Variants in FBXL8 observed in about 807,000 individuals in gnomAD.
The protein encoded by FBXL8 is F-box and leucine rich repeat protein 8.
FBXL8 carries 13 observed loss-of-function variants against 8.2 expected under a neutral mutation model. That is an observed-to-expected ratio of 1.58 (90% CI 1.03 to 2.51). FBXL8 has a LOEUF of 2.51. Ranked by LOEUF, FBXL8 falls within the 30% of genes most tolerant of loss-of-function variation. FBXL8 has a pLI of 0.00. For synonymous variants in FBXL8, 271 were observed against 260.5 expected (o/e 1.04, Z -0.39); for missense variants, 565 against 540.4 (o/e 1.05, Z -0.45).
rs1383910208 is a variant in FBXL8 at position 67,163,485 on chromosome 16, G to A, written c.790G>A (p.Ala264Thr). ...VELELEPALPAESVTRVLQPA... is the reference protein window; with the variant it reads ...VELELEPALPTESVTRVLQPA... Reference sequence around the variant, plus strand: ...GCTGGAGCTGGAGCCCGCGCTGCCCGCTGAGAGCGTGACGCGCGTCCTGCA... The same window carrying A: ...GCTGGAGCTGGAGCCCGCGCTGCCCACTGAGAGCGTGACGCGCGTCCTGCA... The change falls in exon 3 of 3, where the codon GCT becomes ACT. Residue 264 changes from alanine to threonine, a missense_variant. Physicochemically the swap from Ala to Thr is moderately conservative, Grantham distance 58 (BLOSUM62 0). Transcript: ENST00000258200. The A allele has an allele frequency of 2.6e-6, 4 of 1,537,224 alleles. No individual in the cohort carries two copies. Among genetic ancestry groups the A allele is most frequent in the African/African-American group, 1.4e-5 (1 of 72,760 alleles).
rs1427801641 is a variant in FBXL8, at chr16:67,163,977, C to G, written c.*157C>G. On this transcript the variant is annotated 3_prime_UTR_variant, in exon 3 of 3. Coordinates refer to ENST00000258200, the MANE Select transcript of FBXL8 (RefSeq NM_018378.3). ...GAACTGTGATGGCATCGGGACCAGT[C>G]CTGGGCGCCCTGAGACCACTCGCTG... is the stretch of plus-strand genomic sequence containing the variant. 1 of 1,138,102 alleles carries G rather than the reference C, an allele frequency of 8.8e-7. No individual in the cohort carries two copies. The highest frequency in any genetic ancestry group is 1.5e-5 in the African/African-American group (1 of 65,132). 70.5% of individuals were successfully genotyped at this position (1,138,102 alleles called of 1,614,324 possible). A position where few individuals can be genotyped will look rare whatever the true frequency, so the allele number is the denominator to read the frequency against.
chr16:67,163,231 G>T lies in FBXL8; in HGVS notation c.536G>T (p.Gly179Val). The T allele has an allele frequency of 6.4e-7, 1 of 1,566,780 alleles. No individual in the cohort carries two copies. Among genetic ancestry groups the T allele is most frequent in the Non-Finnish European group, 8.6e-7 (1 of 1,156,818 alleles). Residue 179 changes from glycine (G) to valine (V), a missense_variant, in exon 3 of 3, where the codon GGT becomes GTT. Gly to Val is a moderately radical substitution (Grantham distance 109). Transcript: ENST00000258200. ...LDNSTLVGSV[G>V]PGSVLELLEA... ...AACAGTACCCTAGTGGGCAGCGTGG[G>T]TCCCGGCTCAGTGCTCGAGCTACTG...
rs1312268504 is a variant in FBXL8, at chr16:67,161,904, C to T, written c.119C>T (p.Thr40Ile). 16 of 1,610,848 alleles carry T rather than the reference C, an allele frequency of 9.9e-6. No individual in the cohort carries two copies. Among genetic ancestry groups the T allele is most frequent in the Non-Finnish European group, 1.1e-5 (13 of 1,179,068 alleles). Residue 40 changes from threonine (T) to isoleucine (I), a missense_variant, in exon 2 of 3, where the codon ACC (threonine) becomes ATC (isoleucine). By Grantham distance (89) the Thr-to-Ile change is moderately conservative (BLOSUM62 -1). Transcript: ENST00000258200. The stretch of plus-strand genomic sequence containing the variant: ...TGCAGGGCCTGGGCCGCCGCTGCTA[C>T]CTGCAGCGCCGTGTGGCACGACACA... Reference protein sequence around the residue: ...RVCRAWAAAATCSAVWHDTKI... With the variant: ...RVCRAWAAAAICSAVWHDTKI...
chr16:67,162,698 T>G, intron 2 of FBXL8, 150 bp from the exon 3 acceptor site: 1 of 1,086,204 alleles, frequency 9.2e-7, no homozygotes, highest in Non-Finnish European at 1.4e-6. Context: ...GTTCCCTCCT[T>G]TGGGGCAACA....
At position 67,163,885 on chromosome 16, in the gene FBXL8, C is replaced by T. The variant is rs1218693559; in HGVS notation, c.*65C>T. 1.9e-5 allele frequency: 29 copies of T among 1,510,590 alleles called. 1 individual carries two copies. The highest frequency in any genetic ancestry group is 2.5e-5 in the Non-Finnish European group (28 of 1,136,804). 93.6% of individuals were successfully genotyped at this position (1,510,590 alleles called of 1,614,324 possible). A position where few individuals can be genotyped will look rare whatever the true frequency, so the allele number is the denominator to read the frequency against. The stretch of plus-strand genomic sequence containing the variant: ...CTCTGAGAGGGAACGGGGGGGGTGT[C>T]CAGGCGCGCCCCGAGTGCTAGTGCC... On this transcript the variant is annotated 3_prime_UTR_variant, in exon 3 of 3. Coordinates refer to ENST00000258200, the MANE Select transcript of FBXL8 (RefSeq NM_018378.3).
chr16:67,163,600 C>T lies in FBXL8; in HGVS notation c.905C>T (p.Thr302Ile), dbSNP rs776855884. Residue 302 changes from threonine to isoleucine, a missense_variant, in exon 3 of 3, where the codon ACC becomes ATC. By Grantham distance (89) the Thr-to-Ile change is moderately conservative (BLOSUM62 -1). Coordinates refer to ENST00000258200, the MANE Select transcript of FBXL8 (RefSeq NM_018378.3). Reference sequence around the variant, plus strand: ...TTCGCAGCACACCACTACGCCGCAACCCTGTGCGCGCTCGAGGTGCGCGCA... The same window carrying T: ...TTCGCAGCACACCACTACGCCGCAATCCTGTGCGCGCTCGAGGTGCGCGCA... ...VRFAAHHYAA[T>I]LCALEVRAAA... 19 of 1,574,876 alleles carry T rather than the reference C, an allele frequency of 1.2e-5. No homozygotes were observed. In the African/African-American group the frequency reaches 1.8e-4, roughly 15 times the overall value.
Position 67,163,264 on chromosome 16 carries a change from G to A in FBXL8, c.569G>A (p.Cys190Tyr). 1 of 1,567,320 alleles carries A rather than the reference G, an allele frequency of 6.4e-7. No individual in the cohort carries two copies. Among genetic ancestry groups the A allele is most frequent in the Non-Finnish European group, 8.6e-7 (1 of 1,157,392 alleles). The part of the protein sequence containing the change: ...PGSVLELLEA[C>Y]PRLRALGLHL... ...TCAGTGCTCGAGCTACTGGAGGCCTGCCCGCGCCTGCGCGCTCTCGGCCTG... is the reference window on the plus strand; with the variant it reads ...TCAGTGCTCGAGCTACTGGAGGCCTACCCGCGCCTGCGCGCTCTCGGCCTG... The change falls in exon 3 of 3, where the codon TGC becomes TAC. Residue 190 changes from cysteine to tyrosine, a missense_variant. Transcript: ENST00000258200.
Position 67,163,762 on chromosome 16 carries a change from C to A in FBXL8, c.1067C>A (p.Thr356Asn), listed in dbSNP as rs913428549. ...CGCGCGCACTGCCCGCGCCTGCGCA[C>A]CTATACCCTCAAGCTCACGCGCGAG... is the stretch of plus-strand genomic sequence containing the variant. ...AFRAHCPRLR[T>N]YTLKLTREPH... The change falls in exon 3 of 3, where the codon ACC becomes AAC. Residue 356 changes from threonine (T) to asparagine (N), a missense_variant. Coordinates refer to ENST00000258200, the MANE Select transcript of FBXL8 (RefSeq NM_018378.3). The A allele has an allele frequency of 6.3e-7, 1 of 1,585,736 alleles. No individual in the cohort carries two copies. Among genetic ancestry groups the A allele is most frequent in the Non-Finnish European group, 8.5e-7 (1 of 1,174,960 alleles).
chr16:67,162,174 CA>C (rs1329147499), intron 2 of FBXL8: 1 of 442,594 alleles, frequency 2.3e-6, no homozygotes, highest in African/African-American at 2.0e-5. Context: ...TACTAAAATA[CA>C]AAAACTAGCC....
rs1008148271 is a variant in FBXL8, at chr16:67,162,783, G to A, written c.153-65G>A. ...AGCTGGAACCCCAGCTAAGGGGTGG[G>A]TAGAGGCTTCTCCGCTGGTCGCAGG... On this transcript the variant is annotated intron_variant, in intron 2 of 2. Coordinates refer to ENST00000258200, the MANE Select transcript of FBXL8 (RefSeq NM_018378.3). 3 of 1,547,432 alleles carry A rather than the reference G, an allele frequency of 1.9e-6. No homozygotes were observed. The African/African-American group carries it at 4.1e-5, about 21-fold the overall frequency.
Position 67,163,749 on chromosome 16 carries a change from C to T in FBXL8, c.1054C>T (p.Pro352Ser). 6.3e-7 allele frequency: 1 copy of T among 1,594,464 alleles called. No individual in the cohort carries two copies. Among genetic ancestry groups the T allele is most frequent in the South Asian group, 1.1e-5 (1 of 90,482 alleles). Residue 352 changes from proline (P) to serine (S), a missense_variant, in exon 3 of 3, where the codon CCG (proline) becomes TCG (serine). Coordinates refer to ENST00000258200, the MANE Select transcript of FBXL8 (RefSeq NM_018378.3). ...SVLDAFRAHCPRLRTYTLKLT... is the reference protein window; with the variant it reads ...SVLDAFRAHCSRLRTYTLKLT... Reference sequence around the variant, plus strand: ...GCTGGACGCCTTCCGCGCGCACTGCCCGCGCCTGCGCACCTATACCCTCAA... The same window carrying T: ...GCTGGACGCCTTCCGCGCGCACTGCTCGCGCCTGCGCACCTATACCCTCAA...
chr16:67,162,861 C>G lies in FBXL8; in HGVS notation c.166C>G (p.Leu56Val), dbSNP rs972835072. 1.3e-6 allele frequency: 2 copies of G among 1,551,426 alleles called. No individual in the cohort carries two copies. The highest frequency in any genetic ancestry group is 3.9e-5 in the Admixed American group (2 of 51,038). Residue 56 changes from leucine to valine, a missense_variant, in exon 3 of 3, where the codon CTG becomes GTG. By Grantham distance (32) the Leu-to-Val change is conservative. Coordinates refer to ENST00000258200, the MANE Select transcript of FBXL8 (RefSeq NM_018378.3). Reference protein sequence around the residue: ...HDTKISCECELEGMLPPYLSA... With the variant: ...HDTKISCECEVEGMLPPYLSA... ...CTCTAACCCAAGTTGCGAATGTGAG[C>G]TGGAAGGCATGCTGCCACCTTATCT...
chr16:67,163,553 C>A lies in FBXL8; in HGVS notation c.858C>A (p.Gly286=). ...PVAALRLNLS[G]DTVGPVRFAA... is the part of the protein sequence containing the mutation. ...CTGCGCTGCGCCTCAACCTCTCAGG[C>A]GACACCGTAGGCCCAGTGCGCTTCG... Residue 286 remains glycine, a synonymous_variant, in exon 3 of 3, where the codon GGC becomes GGA. Coordinates refer to ENST00000258200, the MANE Select transcript of FBXL8 (RefSeq NM_018378.3). 1.3e-6 allele frequency: 2 copies of A among 1,578,430 alleles called. No homozygotes were observed. The highest frequency in any genetic ancestry group is 2.3e-5 in the East Asian group (1 of 43,034).
intron 1 of FBXL8, among the ~76,000 whole-genome samples, chr16:67,161,473 A>G (rs965603210): frequency 4.1e-4 from 61 of 147,874 alleles, no homozygotes; most frequent in African/African-American, 1.4e-3. Flanking sequence ...AAAAAGTGGG[A>G]GGGGAGTTCT....
intron 2 of FBXL8, chr16:67,162,430 C>T (rs1412592865): frequency 3.3e-6 from 2 of 602,032 alleles, no homozygotes; most frequent in Non-Finnish European, 5.9e-6. Flanking sequence ...TTATGAAAAC[C>T]TTGTGTGGTA....
rs1267717585 is a variant in FBXL8, at chr16:67,164,104, G to T, written c.*284G>T. ...GACTCTGCAGCTCCGCGGCCCCGGCGCAGGGAGAGGGAGGGCACGGGCGCG... is the reference window on the plus strand; with the variant it reads ...GACTCTGCAGCTCCGCGGCCCCGGCTCAGGGAGAGGGAGGGCACGGGCGCG... On this transcript the variant is annotated 3_prime_UTR_variant, in exon 3 of 3. Coordinates refer to ENST00000258200, the MANE Select transcript of FBXL8 (RefSeq NM_018378.3). 2 of 679,898 alleles carry T rather than the reference G, an allele frequency of 2.9e-6. No individual in the cohort carries two copies. Among genetic ancestry groups the T allele is most frequent in the East Asian group, 2.8e-5 (1 of 35,362 alleles). The allele number at this position is 679,898 out of a possible 1,614,324, so 42.1% of individuals were successfully genotyped here. A position where few individuals can be genotyped will look rare whatever the true frequency, so the allele number is the denominator to read the frequency against.
At position 67,163,575 on chromosome 16, in the gene FBXL8, T is replaced by C. The variant is rs753868683; in HGVS notation, c.880T>C (p.Phe294Leu). Residue 294 changes from phenylalanine (F) to leucine (L), a missense_variant, in exon 3 of 3, where the codon TTC (phenylalanine) becomes CTC (leucine). By Grantham distance (22) the Phe-to-Leu change is conservative. Transcript: ENST00000258200. ...AGGCGACACCGTAGGCCCAGTGCGC[T>C]TCGCAGCACACCACTACGCCGCAAC... Reference protein sequence around the residue: ...LSGDTVGPVRFAAHHYAATLC... With the variant: ...LSGDTVGPVRLAAHHYAATLC... The C allele has an allele frequency of 1.3e-6, 2 of 1,581,058 alleles. No homozygotes were observed. Among genetic ancestry groups the C allele is most frequent in the Non-Finnish European group, 1.7e-6 (2 of 1,172,122 alleles).
chr16:67,161,297 G>T (rs2030887739), intron 1 of FBXL8: 2 of 160,388 alleles, frequency 1.2e-5, no homozygotes, highest in Non-Finnish European at 2.7e-5. Context: ...ACAAAAATTA[G>T]CCAGGCGTGG....
At position 67,162,829 on chromosome 16, in the gene FBXL8, T is replaced by C. The variant is rs1221555782; in HGVS notation, c.153-19T>C. ...GCAGGGACTCAGCTGAGGCCTTTTC[T>C]GCACGGCTCTAACCCAAGTTGCGAA... On this transcript the variant is annotated intron_variant, in intron 2 of 2. Coordinates refer to ENST00000258200, the MANE Select transcript of FBXL8 (RefSeq NM_018378.3). The C allele has an allele frequency of 6.5e-7, 1 of 1,550,226 alleles. No homozygotes were observed. Among genetic ancestry groups the C allele is most frequent in the Admixed American group, 2.0e-5 (1 of 50,998 alleles).
Sources: gnomAD v4.1 joint callset for allele counts (sites outside exome capture counted in the v4.1 genomes callset) on GRCh38, gnomAD v4.1.1 for gene constraint, MANE v1.5 for transcripts, NCBI Gene and HGNC (gene_info 2026-07-23, HGNC 2026-07-21) for gene names.